TANC2: variants seen among roughly 807,000 people sequenced by gnomAD.
TANC2 encodes the protein protein TANC2.
In TANC2, 26 loss-of-function variants were observed where a neutral mutation model predicts 210.5. That is an observed-to-expected ratio of 0.12 (90% CI 0.09 to 0.17). The LOEUF (loss-of-function observed/expected upper bound fraction) is 0.17, where lower values mean the gene tolerates loss of function less well. Among genes scored for constraint, TANC2 ranks in the 10% least tolerant of loss-of-function variants. The probability of loss-of-function intolerance (pLI) is 1.00; values close to 1 mark genes in which losing one functional copy is unlikely to be tolerated. For synonymous variants in TANC2, 931 were observed against 967.1 expected, an observed-to-expected ratio of 0.96 and a Z score of 0.69; for missense variants, 2,129 against 2,608.9, an observed-to-expected ratio of 0.82 and a Z score of 4.01.
intron 2 of TANC2, among the ~76,000 whole-genome samples, chr17:63,051,280 G>T (rs2144387886): frequency 6.6e-6 from 1 of 152,148 alleles, no homozygotes; most frequent in Admixed American, 6.6e-5. Flanking sequence ...GAACTCTTTA[G>T]ATTTCTCTAA....
intron 2 of TANC2, among the ~76,000 whole-genome samples, chr17:63,026,348 A>G (rs912367236): frequency 1.3e-5 from 2 of 152,130 alleles, no homozygotes; most frequent in African/African-American, 4.8e-5. Flanking sequence ...TATTTGTTTT[A>G]TGAATGAAAA....
chr17:63,125,699 CTCCT>C (rs2038682571), intron 4 of TANC2, among the ~76,000 whole-genome samples: 1 of 152,098 alleles, frequency 6.6e-6, no homozygotes, highest in South Asian at 2.1e-4. Context: ...TATGTAGTTT[CTCCT>C]TCCTTGTTTT....
intron 3 of TANC2, among the ~76,000 whole-genome samples, chr17:63,092,772 C>T (rs1328058210): frequency 6.6e-6 from 1 of 152,076 alleles, no homozygotes; most frequent in Non-Finnish European, 1.5e-5. Context: ...AGGGATCCCC[C>T]TCCGGCCATC....
Position 63,147,089 on chromosome 17 carries a change from T to C in TANC2, c.323-4181T>C, listed in dbSNP as rs2039487336. Among the ~76,000 whole-genome samples the C allele has an allele frequency of 2.6e-5, 4 of 151,972 alleles. No individual in the cohort carries two copies. In the South Asian group the frequency reaches 6.2e-4, roughly 24 times the overall value. ...GCTCATGCCTGTAATCCCAGCACTT[T>C]GGGAGCCTGAGGCAGGCAAATCTTT... On this transcript the variant is annotated intron_variant, in intron 4 of 27. Coordinates refer to ENST00000689528, the Ensembl canonical transcript of TANC2.
intron 2 of TANC2, among the ~76,000 whole-genome samples, chr17:63,047,070 C>T (rs1158395653): frequency 6.6e-6 from 1 of 152,072 alleles, no homozygotes; most frequent in African/African-American, 2.4e-5. Flanking sequence ...TTACTAATAT[C>T]TTTTGAAATT....
intron 21 of TANC2, 100 bp downstream of exon 21, chr17:63,406,377 A>G (rs1662164465): frequency 2.6e-6 from 4 of 1,526,074 alleles, no homozygotes; most frequent in Non-Finnish European, 2.7e-6. Context: ...AAGAACAGAT[A>G]TTAATCCAGT....
At chr17:63,188,011 G>A (rs2041053180) in intron 5 of TANC2, among the ~76,000 whole-genome samples, 1 of 152,178 alleles carries the variant, frequency 6.6e-6, no homozygotes, top group South Asian at 2.1e-4. Context: ...AAAAATGGAA[G>A]ACTTTATCAC....
chr17:63,199,375 C>A (rs1464925122), intron 6 of TANC2, among the ~76,000 whole-genome samples: 2 of 152,058 alleles, frequency 1.3e-5, no homozygotes, highest in East Asian at 1.9e-4. Context: ...GTAATCCCAG[C>A]ACTTTGGGAG....
chr17:63,002,416 C>A (rs186271352), intron 1 of TANC2, among the ~76,000 whole-genome samples: 1 of 152,176 alleles, frequency 6.6e-6, no homozygotes, highest in Non-Finnish European at 1.5e-5. Context: ...TGTTATAATT[C>A]ATCACATATC....
chr17:63,246,194 C>G (rs1182396352), intron 8 of TANC2, among the ~76,000 whole-genome samples: 1 of 150,220 alleles, frequency 6.7e-6, no homozygotes, highest in African/African-American at 2.4e-5. Flanking sequence ...TAAAATGTTT[C>G]ATTTTATTGA....
chr17:63,308,496 G>A (rs2045002432), intron 9 of TANC2, among the ~76,000 whole-genome samples: 1 of 152,132 alleles, frequency 6.6e-6, no homozygotes, highest in Non-Finnish European at 1.5e-5. Context: ...TCACTCAAAG[G>A]AAATATAAAC....
At chr17:63,267,823 G>A (rs763326514) in exon 9 of TANC2, 10 of 1,612,926 alleles carry the variant, frequency 6.2e-6, no homozygotes, top group Admixed American at 3.3e-5. Flanking sequence ...ACTTCTCTAC[G>A]AATGCCAAGA....
In TANC2 at chr17:63,237,393, A is replaced by G. The variant is rs902804626; in HGVS notation, c.770-421A>G. ...TAGTCCTGTCAGATGTATAGTTTGC[A>G]TATATTTTCTCCCATTCTGCAGGTT... is the stretch of plus-strand genomic sequence containing the variant. On this transcript the variant is annotated intron_variant, in intron 7 of 27. Transcript: ENST00000689528. Among the ~76,000 whole-genome samples, 4 of 152,050 alleles carry G rather than the reference A, an allele frequency of 2.6e-5. No individual in the cohort carries two copies. The East Asian group carries it at 7.7e-4, about 29-fold the overall frequency.
intron 11 of TANC2, among the ~76,000 whole-genome samples, chr17:63,335,093 T>A (rs746048360): frequency 1.6e-4 from 25 of 152,150 alleles, no homozygotes; most frequent in Non-Finnish European, 3.4e-4. Flanking sequence ...ATCTCCAACA[T>A]TGGGAATTAC....
chr17:63,120,597 T>C (rs1340673767), intron 4 of TANC2: 2 of 152,098 alleles, frequency 1.3e-5, no homozygotes, highest in African/African-American at 4.8e-5. Context: ...GTGGATTGCT[T>C]GAGCTCAGGA....
Position 63,266,772 on chromosome 17 carries a change from G to T in TANC2, c.1034-976G>T, listed in dbSNP as rs556087360. On this transcript the variant is annotated intron_variant, in intron 8 of 27. Transcript: ENST00000689528. Reference sequence around the variant, plus strand: ...CAGCCATAAAAAGATAATCTTAGGGGTTTTTTTTCCCTCTCACCAACTCAA... The same window carrying T: ...CAGCCATAAAAAGATAATCTTAGGGTTTTTTTTTCCCTCTCACCAACTCAA... Among the ~76,000 whole-genome samples the T allele has an allele frequency of 2.8e-4, 42 of 152,002 alleles. No homozygotes were observed. In the South Asian group the frequency reaches 4.8e-3, roughly 17 times the overall value.
chr17:63,132,816 G>T (rs1402332436), intron 4 of TANC2, among the ~76,000 whole-genome samples: 1 of 152,066 alleles, frequency 6.6e-6, no homozygotes, highest in African/African-American at 2.4e-5. Flanking sequence ...GCAACAAGCC[G>T]GAAAGCTACT....
chr17:63,064,127 A>G (rs954765501), intron 2 of TANC2, among the ~76,000 whole-genome samples: 2 of 152,134 alleles, frequency 1.3e-5, no homozygotes, highest in East Asian at 1.9e-4. Context: ...GTTCCATTCA[A>G]TTTGGGAGGT....
chr17:63,417,952 T>C (rs566523347), intron 26 of TANC2, among the ~76,000 whole-genome samples: 3 of 152,222 alleles, frequency 2.0e-5, no homozygotes, highest in African/African-American at 4.8e-5. Flanking sequence ...AATGTGGACA[T>C]GTGTGCGTTT....
Sources: allele counts gnomAD v4.1 joint callset (sites outside exome capture counted in the v4.1 genomes callset), GRCh38; gene constraint gnomAD v4.1.1; transcripts MANE v1.5; gene names NCBI Gene and HGNC (gene_info 2026-07-23, HGNC 2026-07-21).